Variants in NEK9 observed in about 807,000 individuals in gnomAD.
The protein encoded by NEK9 is serine/threonine-protein kinase Nek9.
A neutral mutation model predicts 123.4 loss-of-function variants in NEK9; 75 were observed. The ratio of observed to expected loss-of-function variants is 0.61; its 90% CI spans 0.50 to 0.74. The LOEUF (loss-of-function observed/expected upper bound fraction) is 0.74. Among genes scored for constraint, NEK9 ranks in the 30% least tolerant of loss-of-function variants. NEK9 has a pLI of 0.00. For missense variants in NEK9, 952 were observed against 1,214.4 expected (o/e 0.78, Z 3.21); for synonymous variants, 438 against 458.7 (o/e 0.95, Z 0.58).
intron 7 of NEK9, among the ~76,000 whole-genome samples, chr14:75,113,930 G>A (rs926176829): frequency 7.6e-5 from 6 of 78,664 alleles, no homozygotes; most frequent in African/African-American, 2.9e-4. Flanking sequence ...TCTATATTCA[G>A]AAATTACTCT....
In NEK9 at chr14:75,116,601, T is replaced by TCA; in HGVS notation, c.762+593_762+594insTG. On this transcript the variant is annotated intron_variant, in intron 6 of 21. Coordinates refer to ENST00000238616, the MANE Select transcript of NEK9 (RefSeq NM_033116.6). ...AACCATCATATTCCATTTTTTGCTT[T>TCA]TAAGAGATGAACTTTTAAATTTAAT... 1.3e-5 allele frequency: 3 copies of TCA among 237,522 alleles called. No homozygotes were observed. In the South Asian group the frequency reaches 1.9e-4, roughly 15 times the overall value. The allele number at this position is 237,522 out of a possible 1,614,324, so 14.7% of individuals were successfully genotyped here.
At chr14:75,114,074 T>C (rs1463588853) in intron 7 of NEK9, 129 bp downstream of exon 7, 4 of 622,142 alleles carry the variant, frequency 6.4e-6, no homozygotes, top group Non-Finnish European at 1.2e-5. Context: ...ATTCTGGGTA[T>C]AGCCACAAAT....
chr14:75,101,687 G>A lies in NEK9; in HGVS notation c.1810C>T (p.Pro604Ser). 1 of 1,613,704 alleles carries A rather than the reference G, an allele frequency of 6.2e-7. No individual in the cohort carries two copies. The highest frequency in any genetic ancestry group is 8.5e-7 in the Non-Finnish European group (1 of 1,179,632). ...LSFYKIRTIA[P>S]GKTHTAAIDE... ...ATAGCAGCTGTGTGAGTCTTGCCTG[G>A]GGCAATGGTACGGATCTTATAAAAG... Residue 604 changes from proline (P) to serine (S), a missense_variant, in exon 15 of 22, where the codon CCA becomes TCA. Transcript: ENST00000238616.
chr14:75,083,332 C>T lies in NEK9; in HGVS notation c.*1232G>A, dbSNP rs1015377210. On this transcript the variant is annotated 3_prime_UTR_variant, in exon 22 of 22. Coordinates refer to ENST00000238616, the MANE Select transcript of NEK9 (RefSeq NM_033116.6). ...TATATGAAGTTTTGTTCTTCTATGA[C>T]ACTATTTCTCTTTGGTAAAGCTAGC... 1 of 368,756 alleles carries T rather than the reference C, an allele frequency of 2.7e-6. No individual in the cohort carries two copies. Among genetic ancestry groups the T allele is most frequent in the Non-Finnish European group, 4.8e-6 (1 of 207,576 alleles). 22.8% of individuals were successfully genotyped at this position (368,756 alleles called of 1,614,324 possible). A position where few individuals can be genotyped will look rare whatever the true frequency, so the allele number is the denominator to read the frequency against.
chr14:75,110,489 A>G (rs149004228), intron 8 of NEK9, 118 bp from the exon 9 acceptor site: 16 of 718,328 alleles, frequency 2.2e-5, no homozygotes, highest in Middle Eastern at 3.9e-4. Flanking sequence ...ATCCTACAAC[A>G]TCACAATACT....
Position 75,126,843 on chromosome 14 carries a change from C to T in NEK9, c.79G>A (p.Asp27Asn). The T allele has an allele frequency of 6.5e-7, 1 of 1,533,158 alleles. No individual in the cohort carries two copies. Among genetic ancestry groups the T allele is most frequent in the Non-Finnish European group, 8.8e-7 (1 of 1,140,316 alleles). The allele number at this position is 1,533,158 out of a possible 1,614,324, so 95.0% of individuals were successfully genotyped here. A position where few individuals can be genotyped will look rare whatever the true frequency, so the allele number is the denominator to read the frequency against. Residue 27 changes from aspartate to asparagine, a missense_variant, in exon 1 of 22, where the codon GAC (aspartate) becomes AAC (asparagine). Coordinates refer to ENST00000238616, the MANE Select transcript of NEK9 (RefSeq NM_033116.6). ...DFGSESGGCG[D>N]SSPGPSASQG... ...CTGGCGCTAGGCCCCGGACTCGAGT[C>T]CCCGCAACCCCCGGACTCGCTCCCA...
Position 75,082,698 on chromosome 14 carries a change from C to A in NEK9, c.*1866G>T. On this transcript the variant is annotated 3_prime_UTR_variant, in exon 22 of 22. Transcript: ENST00000238616. ...TCAGCTCCATGGCAGAAGCAATCCT[C>A]ATGATGAACACCCAAACTGACCCAG... is the stretch of plus-strand genomic sequence containing the variant. The A allele has an allele frequency of 3.1e-6, 1 of 317,994 alleles. No individual in the cohort carries two copies. The highest frequency in any genetic ancestry group is 5.7e-6 in the Non-Finnish European group (1 of 175,204). 19.7% of individuals were successfully genotyped at this position (317,994 alleles called of 1,614,324 possible).
intron 9 of NEK9, among the ~76,000 whole-genome samples, 159 bp downstream of exon 9, chr14:75,110,162 T>C (rs1894913409): frequency 6.6e-6 from 1 of 152,208 alleles, no homozygotes; most frequent in Admixed American, 6.5e-5. Context: ...GGTGAAATTA[T>C]AGCTTTCTTC....
intron 17 of NEK9, 146 bp downstream of exon 17, chr14:75,096,954 T>TA (rs1894406232): frequency 1.8e-6 from 1 of 561,798 alleles, no homozygotes; most frequent in Non-Finnish European, 2.9e-6. Flanking sequence ...TTCCCACCAC[T>TA]AGGCATGGCA....
At chr14:75,103,693 T>C (rs183818711) in intron 14 of NEK9, 149 bp downstream of exon 14, 14 of 779,496 alleles carry the variant, frequency 1.8e-5, no homozygotes, top group Middle Eastern at 5.0e-4. Flanking sequence ...ATGTACTCTT[T>C]GTGGCTGGCT....
intron 16 of NEK9, among the ~76,000 whole-genome samples, chr14:75,097,765 G>A (rs900883452): frequency 1.3e-5 from 2 of 152,198 alleles, no homozygotes; most frequent in African/African-American, 2.4e-5. Flanking sequence ...ATTTTAGATA[G>A]GGTAGGTCAG....
chr14:75,100,127 T>C (rs1252875419), intron 16 of NEK9, among the ~76,000 whole-genome samples: 1 of 21,710 alleles, frequency 4.6e-5, no homozygotes, highest in East Asian at 7.2e-4. Context: ...AGACTCCATC[T>C]CAAAAAAAAA....
chr14:75,101,957 A>G (rs1894598055), intron 14 of NEK9, among the ~76,000 whole-genome samples, 192 bp from the exon 15 acceptor site: 1 of 152,274 alleles, frequency 6.6e-6, no homozygotes, highest in Admixed American at 6.5e-5. Context: ...TAATCAGAGA[A>G]TGCAGCACAT....
At position 75,088,473 on chromosome 14, in the gene NEK9, C is replaced by G; in HGVS notation, c.2604+7G>C. 6.2e-7 allele frequency: 1 copy of G among 1,611,758 alleles called. No homozygotes were observed. Among genetic ancestry groups the G allele is most frequent in the Non-Finnish European group, 8.5e-7 (1 of 1,179,084 alleles). On this transcript the variant is annotated splice_region_variant and intron_variant, in intron 20 of 21. Coordinates refer to ENST00000238616, the MANE Select transcript of NEK9 (RefSeq NM_033116.6). The stretch of plus-strand genomic sequence containing the variant: ...AGTTGTGATTCAAAGGCAAAAAGCT[C>G]AGTTACCGAGGCTTCTACTTGGGGT...
intron 4 of NEK9, among the ~76,000 whole-genome samples, chr14:75,120,203 C>G (rs753318067): frequency 1.4e-4 from 21 of 151,988 alleles, no homozygotes; most frequent in Non-Finnish European, 2.6e-4. Context: ...GAATTCTTAC[C>G]AAATACTACT....
In NEK9 at chr14:75,126,820, G is replaced by GGC. The variant is rs1395848579; in HGVS notation, c.100_101dup (p.Ser35ProfsTer52). 1 of 1,533,034 alleles carries GGC rather than the reference G, an allele frequency of 6.5e-7. No individual in the cohort carries two copies. Among genetic ancestry groups the GGC allele is most frequent in the Admixed American group, 2.0e-5 (1 of 49,478 alleles). The allele number at this position is 1,533,034 out of a possible 1,614,324, so 95.0% of individuals were successfully genotyped here. ...CGCCGCCGGCTCGCGGCCCCTGACT[G>GGC]GCGCTAGGCCCCGGACTCGAGTCCC... On this transcript the variant is annotated frameshift_variant, in exon 1 of 22. Transcript: ENST00000238616. LOFTEE classifies it high-confidence loss of function.
At chr14:75,087,898 G>A (rs1417543906) in intron 20 of NEK9, among the ~76,000 whole-genome samples, 2 of 152,194 alleles carry the variant, frequency 1.3e-5, no homozygotes, top group African/African-American at 4.8e-5. Flanking sequence ...CATTCATTAT[G>A]TATTACTTGA....
rs567669351 is a variant in NEK9 at position 75,122,827 on chromosome 14, G to A, written c.397+1219C>T. 3.7e-5 allele frequency among the ~76,000 whole-genome samples: 5 copies of A among 133,536 alleles called. No individual in the cohort carries two copies. The South Asian group carries it at 1.2e-3, about 32-fold the overall frequency. 87.6% of individuals were successfully genotyped at this position (133,536 alleles called of 152,430 possible). A position where few individuals can be genotyped will look rare whatever the true frequency, so the allele number is the denominator to read the frequency against. ...TTTTTTTTTTTTGAGACAGGGTCTG[G>A]CTCCATCGCCCAGGCTGGAGTGCAG... On this transcript the variant is annotated intron_variant, in intron 2 of 21. Coordinates refer to ENST00000238616, the MANE Select transcript of NEK9 (RefSeq NM_033116.6).
At chr14:75,105,616 T>G (rs1186366566) in intron 13 of NEK9, among the ~76,000 whole-genome samples, 1 of 152,260 alleles carries the variant, frequency 6.6e-6, no homozygotes, top group Non-Finnish European at 1.5e-5. Flanking sequence ...TAAGAGACAG[T>G]ATACTGCTTT....
Sources: allele counts gnomAD v4.1 joint callset (sites outside exome capture counted in the v4.1 genomes callset), GRCh38; gene constraint gnomAD v4.1.1; transcripts MANE v1.5; gene names NCBI Gene and HGNC (gene_info 2026-07-23, HGNC 2026-07-21).